CBLB: variants seen among roughly 807,000 people sequenced by gnomAD.
CBLB encodes the protein E3 ubiquitin-protein ligase CBL-B.
CBLB carries 31 observed loss-of-function variants against 104.9 expected under a neutral mutation model. The ratio of observed to expected loss-of-function variants is 0.30; its 90% confidence interval spans 0.22 to 0.40. The LOEUF (loss-of-function observed/expected upper bound fraction) is 0.40, where lower values mean the gene tolerates loss of function less well. Among genes scored for constraint, CBLB ranks in the 10% least tolerant of loss-of-function variants. CBLB has a pLI of 1.00. For missense variants in CBLB, 1,062 were observed against 1,214.6 expected (o/e 0.87, Z 1.87); for synonymous variants, 440 against 422.6 (o/e 1.04, Z -0.51).
intron 3 of CBLB, among the ~76,000 whole-genome samples, chr3:105,835,599 CCAGATT>C (rs1200178632): frequency 2.0e-5 from 3 of 152,160 alleles, no homozygotes; most frequent in African/African-American, 7.2e-5. Flanking sequence ...CCTACTAGCT[CCAGATT>C]AACTAATTGC....
intron 3 of CBLB, among the ~76,000 whole-genome samples, chr3:105,810,088 C>T (rs373188730): frequency 6.6e-6 from 1 of 152,088 alleles, no homozygotes; most frequent in Non-Finnish European, 1.5e-5. Flanking sequence ...AAAGACAGAA[C>T]GTGTACACCC....
chr3:105,762,695 G>A (rs1389254234), intron 4 of CBLB, among the ~76,000 whole-genome samples: 1 of 152,182 alleles, frequency 6.6e-6, no homozygotes, highest in East Asian at 1.9e-4. Context: ...GGCTCTTGTG[G>A]AGGTAGACAT....
chr3:105,666,652 C>A (rs1440825207), intron 18 of CBLB, among the ~76,000 whole-genome samples: 2 of 152,094 alleles, frequency 1.3e-5, no homozygotes, highest in African/African-American at 4.8e-5. Flanking sequence ...CGCCACTGCA[C>A]TCCAGCCTGG....
At chr3:105,755,177 C>A (rs560151253) in intron 4 of CBLB, among the ~76,000 whole-genome samples, 54 of 152,248 alleles carry the variant, frequency 3.5e-4, no homozygotes, top group Admixed American at 1.3e-3. Context: ...ATCTCTCCCC[C>A]CTCCCCTGAC....
chr3:105,688,739 T>C (rs867934391), intron 13 of CBLB, among the ~76,000 whole-genome samples: 3 of 152,144 alleles, frequency 2.0e-5, no homozygotes, highest in Middle Eastern at 6.8e-3. Context: ...TTTTTGCACA[T>C]GTGCCACATA....
At chr3:105,665,520 C>A (rs1486341028) in intron 18 of CBLB, among the ~76,000 whole-genome samples, 1 of 141,490 alleles carries the variant, frequency 7.1e-6, no homozygotes, top group Non-Finnish European at 1.5e-5. Flanking sequence ...AAAATTATAT[C>A]TATTTCTATA....
In CBLB at chr3:105,658,473, C is replaced by T; in HGVS notation, c.*497G>A. The T allele has an allele frequency of 4.4e-6, 1 of 228,070 alleles. No homozygotes were observed. The highest frequency in any genetic ancestry group is 8.7e-6 in the Non-Finnish European group (1 of 114,784). 14.1% of individuals were successfully genotyped at this position (228,070 alleles called of 1,614,324 possible). A position where few individuals can be genotyped will look rare whatever the true frequency, so the allele number is the denominator to read the frequency against. On this transcript the variant is annotated 3_prime_UTR_variant, in exon 19 of 19. Transcript: ENST00000394030. ...TGTGAATGAGAGAAATGGAACTGGACCTGGGCAAGGCATGGGGATGGTAGA... is the reference window on the plus strand; with the variant it reads ...TGTGAATGAGAGAAATGGAACTGGATCTGGGCAAGGCATGGGGATGGTAGA...
intron 3 of CBLB, among the ~76,000 whole-genome samples, chr3:105,793,286 T>C (rs2081899503): frequency 6.6e-6 from 1 of 152,050 alleles, no homozygotes; most frequent in Non-Finnish European, 1.5e-5. Context: ...GGCAGAACTC[T>C]TGGTGGAGCA....
chr3:105,791,745 T>C (rs980172619), intron 3 of CBLB, among the ~76,000 whole-genome samples: 1 of 152,234 alleles, frequency 6.6e-6, no homozygotes, highest in African/African-American at 2.4e-5. Flanking sequence ...GTGTCACACA[T>C]ACATGAATAC....
intron 4 of CBLB, among the ~76,000 whole-genome samples, chr3:105,757,494 G>T (rs982009968): frequency 6.6e-6 from 1 of 152,100 alleles, no homozygotes; most frequent in Non-Finnish European, 1.5e-5. Flanking sequence ...CAGGCAGCAA[G>T]GTATTACTAC....
At chr3:105,830,885 A>T (rs1448826467) in intron 3 of CBLB, among the ~76,000 whole-genome samples, 4 of 152,212 alleles carry the variant, frequency 2.6e-5, no homozygotes, top group Admixed American at 1.3e-4. Context: ...TCCATATAGC[A>T]TGTAGTCTAG....
chr3:105,698,186 G>A (rs1455409881), intron 12 of CBLB, among the ~76,000 whole-genome samples: 1 of 151,930 alleles, frequency 6.6e-6, no homozygotes, highest in East Asian at 1.9e-4. Context: ...AAGAGTAAAG[G>A]GAGTAAATGA....
chr3:105,833,874 T>C (rs146805030), intron 3 of CBLB, among the ~76,000 whole-genome samples: 120 of 152,110 alleles, frequency 7.9e-4, no homozygotes, highest in Middle Eastern at 3.4e-3. Context: ...CTAAGGGAAT[T>C]AGAACCTGAT....
chr3:105,867,038 A>G lies in CBLB; in HGVS notation c.168+372T>C, dbSNP rs1307863374. 2.0e-5 allele frequency among the ~76,000 whole-genome samples: 3 copies of G among 152,210 alleles called. No homozygotes were observed. The East Asian group carries it at 5.8e-4, about 29-fold the overall frequency. On this transcript the variant is annotated intron_variant, in intron 2 of 18. Transcript: ENST00000394030. The stretch of plus-strand genomic sequence containing the variant: ...TACCAGATGATTGTCATGAGTGGTC[A>G]AAGACTTAAATAACCTGCTGGTACT...
chr3:105,684,478 G>C (rs1352859926), intron 14 of CBLB, among the ~76,000 whole-genome samples: 4 of 151,862 alleles, frequency 2.6e-5, no homozygotes, highest in African/African-American at 9.7e-5. Flanking sequence ...GAGCTTCCAA[G>C]TCAAAGACCA....
At chr3:105,676,616 T>C (rs759468369) in intron 17 of CBLB, among the ~76,000 whole-genome samples, 56 of 152,298 alleles carry the variant, frequency 3.7e-4, no homozygotes, top group Non-Finnish European at 7.8e-4. Context: ...TTAAAGTCTA[T>C]GTATAAGACA....
chr3:105,775,835 T>C (rs1297971287), intron 4 of CBLB, among the ~76,000 whole-genome samples: 1 of 152,194 alleles, frequency 6.6e-6, no homozygotes, highest in Non-Finnish European at 1.5e-5. Context: ...ATTATCCTCA[T>C]ATCTTGTTCA....
chr3:105,678,612 T>G lies in CBLB; in HGVS notation c.2429-41A>C, dbSNP rs749178021. 4 of 1,584,374 alleles carry G rather than the reference T, an allele frequency of 2.5e-6. No homozygotes were observed. In the South Asian group the frequency reaches 4.5e-5, roughly 18 times the overall value. On this transcript the variant is annotated intron_variant, in intron 16 of 18. Transcript: ENST00000394030. ...GGTCGATATCAGCAGCAGAACTTCA[T>G]TAATCAAAATACACAGCATCTAACA...
chr3:105,856,078 G>A (rs562480301), intron 2 of CBLB, among the ~76,000 whole-genome samples: 17 of 151,984 alleles, frequency 1.1e-4, no homozygotes, highest in African/African-American at 3.6e-4. Flanking sequence ...TTGGCCAGGC[G>A]CAGTGGCTCA....
Sources: gnomAD v4.1 joint callset for allele counts (sites outside exome capture counted in the v4.1 genomes callset) on GRCh38, gnomAD v4.1.1 for gene constraint, MANE v1.5 for transcripts, NCBI Gene and HGNC (gene_info 2026-07-23, HGNC 2026-07-21) for gene names.